The following AFAP1 variants were observed in gnomAD, a reference collection of about 807,000 sequenced individuals.
AFAP1 encodes actin filament-associated protein 1.
AFAP1 carries 75 observed loss-of-function variants against 93.9 expected under a neutral mutation model. That is an observed-to-expected ratio of 0.80 (90% CI 0.66 to 0.97). The LOEUF is 0.97. Among genes scored for constraint, AFAP1 ranks in the 50% least tolerant of loss-of-function variants. The probability of loss-of-function intolerance (pLI) is 0.00; values close to 1 mark genes in which losing one functional copy is unlikely to be tolerated. For missense variants in AFAP1, 1,201 were observed against 1,050.8 expected, an observed-to-expected ratio of 1.14 and a Z score of -1.98; for synonymous variants, 517 against 430.7, an observed-to-expected ratio of 1.20 and a Z score of -2.48.
At position 7,786,276 on chromosome 4, in the gene AFAP1, T is replaced by C. The variant is rs1296573101; in HGVS notation, c.1448A>G (p.Tyr483Cys). 12 of 1,614,186 alleles carry C rather than the reference T, an allele frequency of 7.4e-6. No individual in the cohort carries two copies. The highest frequency in any genetic ancestry group is 3.3e-5 in the Admixed American group (2 of 60,030). The change falls in exon 12 of 18, where the codon TAT becomes TGT. Residue 483 changes from tyrosine (Y) to cysteine (C), a missense_variant. Tyr to Cys is a radical substitution (Grantham distance 194). Coordinates refer to ENST00000420658, the MANE Select transcript of AFAP1 (RefSeq NM_001134647.2). ...MNRRVISANP[Y>C]LGGTSNGYAH... is the part of the protein sequence containing the mutation. ...ATAGCCGTTGGAGGTGCCCCCTAGA[T>C]ATGGGTTAGCAGATATAACACGCCT...
chr4:7,809,468 A>C (rs1286800233), intron 9 of AFAP1, 146 bp downstream of exon 9: 1 of 945,404 alleles, frequency 1.1e-6, no homozygotes, highest in Non-Finnish European at 1.5e-6. Flanking sequence ...CATTTAATAC[A>C]TTTCCCACTA....
chr4:7,932,915 G>C lies in AFAP1; in HGVS notation c.-3+6741C>G, dbSNP rs552438878. Reference sequence around the variant, plus strand: ...CGTGCCTGTAGTCCCAGCTACTCAGGAGGCTGAGGCAGGAGAATCCCTTGA... The same window carrying C: ...CGTGCCTGTAGTCCCAGCTACTCAGCAGGCTGAGGCAGGAGAATCCCTTGA... On this transcript the variant is annotated intron_variant, in intron 1 of 17. Transcript: ENST00000420658. Among the ~76,000 whole-genome samples the C allele has an allele frequency of 3.5e-3, 530 of 151,390 alleles. 3 individuals are homozygous for C. The highest frequency in any genetic ancestry group is 0.012 in the African/African-American group (504 of 41,196).
chr4:7,901,541 T>G (rs1719116770), intron 1 of AFAP1, among the ~76,000 whole-genome samples: 1 of 152,228 alleles, frequency 6.6e-6, no homozygotes, highest in Admixed American at 6.5e-5. Flanking sequence ...CACAGTCTGA[T>G]GCAGCTGCAG....
At chr4:7,821,939 A>G (rs1001212886) in intron 6 of AFAP1, among the ~76,000 whole-genome samples, 4 of 152,250 alleles carry the variant, frequency 2.6e-5, no homozygotes, top group African/African-American at 9.6e-5. Flanking sequence ...GCTCGCTGTC[A>G]TATCTCCTCT....
At chr4:7,919,464 T>C (rs887013811) in intron 1 of AFAP1, among the ~76,000 whole-genome samples, 2 of 152,184 alleles carry the variant, frequency 1.3e-5, no homozygotes, top group Non-Finnish European at 1.5e-5. Context: ...AAACAGGTCC[T>C]ACACAAACGT....
intron 1 of AFAP1, among the ~76,000 whole-genome samples, chr4:7,889,580 A>AT (rs1433298165): frequency 1.1e-4 from 17 of 150,858 alleles, no homozygotes; most frequent in African/African-American, 4.1e-4. Flanking sequence ...AGGCATACAT[A>AT]TAAAAACTAA....
At chr4:7,805,068 A>AT (rs1704877934) in intron 9 of AFAP1, among the ~76,000 whole-genome samples, 1 of 152,020 alleles carries the variant, frequency 6.6e-6, no homozygotes, top group Non-Finnish European at 1.5e-5. Flanking sequence ...ATCAGACTGC[A>AT]TCTGATTTCT....
rs145581070 is a variant in AFAP1, at chr4:7,869,240, A to AGGAAGG, written c.128-527_128-522dup. On this transcript the variant is annotated intron_variant, in intron 2 of 17. Transcript: ENST00000420658. ...ATGGAGGGAAGGAGGAAGGGGAAGG[A>AGGAAGG]GGAAGGGGAAGGGGTGTAAGAAATG... Among the ~76,000 whole-genome samples, 887 of 151,304 alleles carry AGGAAGG rather than the reference A, an allele frequency of 5.9e-3. 7 individuals carry two copies. The highest frequency in any genetic ancestry group is 0.019 in the African/African-American group (774 of 41,256).
intron 7 of AFAP1, among the ~76,000 whole-genome samples, chr4:7,816,453 C>G (rs1029999356): frequency 6.6e-6 from 1 of 152,174 alleles, no homozygotes; most frequent in African/African-American, 2.4e-5. Context: ...ATATTATCCT[C>G]GCAGAAGTAA....
intron 10 of AFAP1, among the ~76,000 whole-genome samples, chr4:7,794,733 C>A (rs1196153990): frequency 6.6e-6 from 1 of 152,032 alleles, no homozygotes; most frequent in Non-Finnish European, 1.5e-5. Context: ...ACCATCTTGC[C>A]CAGGCTGGTC....
At chr4:7,799,641 A>T (rs1211961635) in intron 10 of AFAP1, among the ~76,000 whole-genome samples, 3 of 152,194 alleles carry the variant, frequency 2.0e-5, no homozygotes, top group African/African-American at 7.2e-5. Context: ...CTGTGTGTGT[A>T]TGTTTGCATC....
chr4:7,842,177 T>G (rs913616796), intron 5 of AFAP1, among the ~76,000 whole-genome samples: 1 of 151,872 alleles, frequency 6.6e-6, no homozygotes, highest in African/African-American at 2.4e-5. Context: ...CAGGCCACAT[T>G]TGTGGAAAAA....
At chr4:7,893,304 G>A (rs185194551) in intron 1 of AFAP1, among the ~76,000 whole-genome samples, 293 of 152,340 alleles carry the variant, frequency 1.9e-3, no homozygotes, top group Non-Finnish European at 3.0e-3. Flanking sequence ...GGATTGGCTG[G>A]GTGCGGTGGC....
intron 1 of AFAP1, among the ~76,000 whole-genome samples, chr4:7,918,291 G>A (rs1273377733): frequency 7.0e-6 from 1 of 143,732 alleles, no homozygotes; most frequent in African/African-American, 2.6e-5. Flanking sequence ...AGGTCACCAG[G>A]AAACAGGGCT....
intron 4 of AFAP1, among the ~76,000 whole-genome samples, chr4:7,845,784 A>G (rs1203215742): frequency 1.3e-5 from 2 of 151,986 alleles, no homozygotes; most frequent in Non-Finnish European, 2.9e-5. Flanking sequence ...GGTTACTTAC[A>G]TTTCAATTTT....
intron 3 of AFAP1, among the ~76,000 whole-genome samples, chr4:7,865,251 G>C (rs1716269390): frequency 6.6e-6 from 1 of 152,144 alleles, no homozygotes; most frequent in African/African-American, 2.4e-5. Context: ...TAGGTGTCCA[G>C]GGAAAAATTA....
rs187953319 is a variant in AFAP1 at position 7,932,968 on chromosome 4, C to T, written c.-3+6688G>A. Among the ~76,000 whole-genome samples, 262 of 131,046 alleles carry T rather than the reference C, an allele frequency of 2.0e-3. 5 individuals carry two copies. In the East Asian group the frequency reaches 0.051, roughly 26 times the overall value. The allele number at this position is 131,046 out of a possible 152,430, so 86.0% of individuals were successfully genotyped here. ...CTGGGAGGTGGAAGTTGTGGTGAGC[C>T]GAGATCGCGCCACTGCACTCCAGCC... On this transcript the variant is annotated intron_variant, in intron 1 of 17. Coordinates refer to ENST00000420658, the MANE Select transcript of AFAP1 (RefSeq NM_001134647.2).
At chr4:7,814,220 T>A in intron 8 of AFAP1, among the ~76,000 whole-genome samples, 1 of 152,178 alleles carries the variant, frequency 6.6e-6, no homozygotes, top group East Asian at 1.9e-4. Context: ...TCTGGAGACA[T>A]TTCACCAAAG....
At chr4:7,789,054 C>G (rs1057367090) in intron 11 of AFAP1, 2 of 152,580 alleles carry the variant, frequency 1.3e-5, no homozygotes, top group Non-Finnish European at 2.9e-5. Flanking sequence ...CACAGGCACA[C>G]AGAATGTCCT....
Sources: gnomAD v4.1 joint callset for allele counts (sites outside exome capture counted in the v4.1 genomes callset) on GRCh38, gnomAD v4.1.1 for gene constraint, MANE v1.5 for transcripts, NCBI Gene and HGNC (gene_info 2026-07-23, HGNC 2026-07-21) for gene names.